Variants in KHDRBS2 observed in about 807,000 individuals in gnomAD.
The protein encoded by KHDRBS2 is KH RNA binding domain containing, signal transduction associated 2.
In KHDRBS2, 26 loss-of-function variants were observed where a neutral mutation model predicts 44.3. That is an observed-to-expected ratio of 0.59 (90% CI 0.43 to 0.81). The LOEUF is 0.81. Ranked by LOEUF, KHDRBS2 falls within the 40% of genes least tolerant of loss-of-function variation. The probability of loss-of-function intolerance (pLI) is 0.00; values close to 1 mark genes in which losing one functional copy is unlikely to be tolerated. For synonymous variants in KHDRBS2, 194 were observed against 151.1 expected (o/e 1.28, Z -2.08); for missense variants, 476 against 433.1 (o/e 1.10, Z -0.88).
chr6:62,240,521 C>G (rs1834424195), intron 1 of KHDRBS2, among the ~76,000 whole-genome samples: 1 of 151,032 alleles, frequency 6.6e-6, no homozygotes, highest in Non-Finnish European at 1.5e-5. Context: ...ACACTAATTT[C>G]ATACACACAA....
At chr6:61,651,965 G>T in the KHDRBS2 span, among the ~76,000 whole-genome samples, 1 of 151,996 alleles carries the variant, frequency 6.6e-6, no homozygotes, top group Non-Finnish European at 1.5e-5. Flanking sequence ...CACCAACAGT[G>T]GACAGCAGAG....
chr6:62,190,550 C>T (rs1002482014), intron 1 of KHDRBS2, among the ~76,000 whole-genome samples: 21 of 152,092 alleles, frequency 1.4e-4, no homozygotes, highest in African/African-American at 5.1e-4. Flanking sequence ...TGATTTCACC[C>T]ATTGCGATAA....
chr6:61,643,437 A>T, the KHDRBS2 span, among the ~76,000 whole-genome samples: 1 of 152,178 alleles, frequency 6.6e-6, no homozygotes, highest in African/African-American at 2.4e-5. Flanking sequence ...CTCCTATTCA[A>T]CACAGTATTG....
intron 6 of KHDRBS2, among the ~76,000 whole-genome samples, chr6:61,848,577 A>ATATATATG (rs1794972180): frequency 4.9e-5 from 3 of 61,104 alleles, no homozygotes; most frequent in Admixed American, 1.6e-4. Flanking sequence ...ATATATATAC[A>ATATATATG]TATATATATA....
intron 3 of KHDRBS2, among the ~76,000 whole-genome samples, chr6:62,035,495 G>A (rs1379463204): frequency 6.6e-6 from 1 of 152,032 alleles, no homozygotes; most frequent in African/African-American, 2.4e-5. Flanking sequence ...CAGAAGCTGG[G>A]AAGGGGTTAG....
Position 62,272,732 on chromosome 6 carries a change from G to A in KHDRBS2, c.91+13126C>T, listed in dbSNP as rs557999033. 7.9e-5 allele frequency among the ~76,000 whole-genome samples: 12 copies of A among 152,294 alleles called. No homozygotes were observed. In the South Asian group the frequency reaches 2.5e-3, roughly 32 times the overall value. The stretch of plus-strand genomic sequence containing the variant: ...GCAGACTCCTGCAATGGATATGAGA[G>A]AGGAAAAGATTCAGGATTCCAAGAA... On this transcript the variant is annotated intron_variant, in intron 1 of 8. Transcript: ENST00000281156.
At chr6:61,605,144 G>A in the KHDRBS2 span, among the ~76,000 whole-genome samples, 1 of 152,242 alleles carries the variant, frequency 6.6e-6, no homozygotes, top group Admixed American at 6.5e-5. Flanking sequence ...GATGCTACAA[G>A]GTACAGCCCA....
chr6:62,074,494 G>C (rs1200595970), intron 2 of KHDRBS2, among the ~76,000 whole-genome samples: 1 of 151,792 alleles, frequency 6.6e-6, no homozygotes, highest in Non-Finnish European at 1.5e-5. Flanking sequence ...TCTCATGTCT[G>C]GCTTTTGAGT....
At position 61,889,312 on chromosome 6, in the gene KHDRBS2, C is replaced by G. The variant is rs79621335; in HGVS notation, c.810+5323G>C. On this transcript the variant is annotated intron_variant, in intron 6 of 8. Transcript: ENST00000281156. ...GTAGTGTCACAGTTAGAATTCAGAC[C>G]TTGAGGTGCTGCTGTCTGTTTTGAA... Among the ~76,000 whole-genome samples, 1,913 of 152,186 alleles carry G rather than the reference C, an allele frequency of 0.013. 107 individuals are homozygous for G. The East Asian group carries it at 0.14, about 11-fold the overall frequency.
chr6:62,188,472 A>G (rs1411950921), intron 1 of KHDRBS2, among the ~76,000 whole-genome samples: 2 of 152,134 alleles, frequency 1.3e-5, no homozygotes, highest in Admixed American at 1.3e-4. Flanking sequence ...ATGGAAATAA[A>G]TGTTGTGAAA....
chr6:61,670,864 T>C, the KHDRBS2 span, among the ~76,000 whole-genome samples: 2 of 151,764 alleles, frequency 1.3e-5, no homozygotes, highest in East Asian at 2.0e-4. Flanking sequence ...TGGTTTACAA[T>C]GGACACGTAT....
chr6:62,055,841 G>T (rs984741481), intron 2 of KHDRBS2, among the ~76,000 whole-genome samples: 4 of 152,010 alleles, frequency 2.6e-5, no homozygotes, highest in Non-Finnish European at 5.9e-5. Context: ...AAGTCATAGA[G>T]ATCAGACGTG....
At chr6:61,633,232 A>C in the KHDRBS2 span, among the ~76,000 whole-genome samples, 1 of 152,120 alleles carries the variant, frequency 6.6e-6, no homozygotes, top group East Asian at 1.9e-4. Flanking sequence ...AGGGGGGGAA[A>C]ATACAATAAT....
At chr6:61,810,994 C>T (rs1411854275) in intron 6 of KHDRBS2, among the ~76,000 whole-genome samples, 2 of 151,948 alleles carry the variant, frequency 1.3e-5, no homozygotes, top group Admixed American at 1.3e-4. Context: ...GAGGTACATA[C>T]TCATGTTTGT....
chr6:61,691,301 G>A (rs1291548537), intron 8 of KHDRBS2, among the ~76,000 whole-genome samples: 1 of 151,930 alleles, frequency 6.6e-6, no homozygotes. Context: ...TTCTTGCCTA[G>A]GCAACATGCT....
At chr6:61,636,713 T>C in the KHDRBS2 span, among the ~76,000 whole-genome samples, 2 of 152,124 alleles carry the variant, frequency 1.3e-5, no homozygotes, top group Admixed American at 6.6e-5. Context: ...ATTCAAAATG[T>C]CAGTAGTGTT....
At chr6:61,758,170 G>T (rs1778782243) in intron 6 of KHDRBS2, among the ~76,000 whole-genome samples, 1 of 152,102 alleles carries the variant, frequency 6.6e-6, no homozygotes, top group South Asian at 2.1e-4. Context: ...TTTCTGAAAA[G>T]CACAAACTGG....
chr6:61,770,791 A>G (rs1780753411), intron 6 of KHDRBS2, among the ~76,000 whole-genome samples: 3 of 152,216 alleles, frequency 2.0e-5, no homozygotes, highest in Admixed American at 2.0e-4. Flanking sequence ...AACTTCCCCA[A>G]TCTAGCAAGG....
At chr6:61,646,688 C>A in the KHDRBS2 span, among the ~76,000 whole-genome samples, 17 of 152,070 alleles carry the variant, frequency 1.1e-4, no homozygotes, top group Admixed American at 9.8e-4. Flanking sequence ...ATCATCTTTA[C>A]CTCCCAGAAA....
Sources: allele counts gnomAD v4.1 joint callset (sites outside exome capture counted in the v4.1 genomes callset), GRCh38; gene constraint gnomAD v4.1.1; transcripts MANE v1.5; gene names NCBI Gene and HGNC (gene_info 2026-07-23, HGNC 2026-07-21).